Variants in PKP2 observed in about 807,000 individuals in gnomAD.
PKP2 encodes plakophilin 2.
PKP2 carries 73 observed loss-of-function variants against 83.4 expected under a neutral mutation model. The ratio of observed to expected loss-of-function variants is 0.88; its 90% CI spans 0.72 to 1.06. PKP2 has a LOEUF of 1.06. Among genes scored for constraint, PKP2 ranks in the 50% least tolerant of loss-of-function variants. The pLI is 0.00. For missense variants in PKP2, 966 were observed against 1,065.4 expected (o/e 0.91, Z 1.30); for synonymous variants, 409 against 430.4 (o/e 0.95, Z 0.62).
intron 9 of PKP2, among the ~76,000 whole-genome samples, chr12:32,819,775 T>C (rs1257012303): frequency 6.6e-6 from 1 of 151,914 alleles, no homozygotes; most frequent in Non-Finnish European, 1.5e-5. Flanking sequence ...CTGGATTCTG[T>C]GGGAGGCTCT....
chr12:32,852,076 A>G (rs1402595755), intron 4 of PKP2, among the ~76,000 whole-genome samples: 1 of 152,230 alleles, frequency 6.6e-6, no homozygotes, highest in East Asian at 1.9e-4. Context: ...ATTAGGTTGT[A>G]GACTGAAGGC....
chr12:32,811,635 C>T (rs1956278095), intron 9 of PKP2, among the ~76,000 whole-genome samples: 1 of 152,226 alleles, frequency 6.6e-6, no homozygotes, highest in Admixed American at 6.5e-5. Context: ...GACAGATCCG[C>T]ACTTTCAATA....
At chr12:32,802,676 T>C in intron 9 of PKP2, 120 bp from the exon 10 acceptor site, 1 of 903,876 alleles carries the variant, frequency 1.1e-6, no homozygotes. Flanking sequence ...TTATTTATTT[T>C]GAGACAAAGT....
chr12:32,870,350 C>T (rs1956885143), intron 3 of PKP2, among the ~76,000 whole-genome samples: 2 of 152,022 alleles, frequency 1.3e-5, no homozygotes, highest in South Asian at 2.1e-4. Flanking sequence ...CGCCTCATGA[C>T]CAAAAACTAA....
intron 9 of PKP2, among the ~76,000 whole-genome samples, chr12:32,813,203 CA>C (rs1359107283): frequency 3.3e-5 from 5 of 152,026 alleles, no homozygotes; most frequent in Non-Finnish European, 7.4e-5. Context: ...CTAAGCAAAA[CA>C]AAACCCCCAA....
intron 9 of PKP2, among the ~76,000 whole-genome samples, chr12:32,805,578 T>C (rs1956219447): frequency 6.6e-6 from 1 of 152,212 alleles, no homozygotes; most frequent in African/African-American, 2.4e-5. Flanking sequence ...CCCCATTGCT[T>C]GCTTTTGTCA....
rs148364390 is a variant in PKP2, at chr12:32,850,914, G to A, written c.1230C>T (p.Asp410=). ...LLQLLKVQNE[D]VQRAVCGALR... is the part of the protein sequence containing the mutation. ...AGGCCCCACACACAGCTCGCTGAACGTCTTCATTCTGAACTTTTAGGAGCT... is the reference window on the plus strand; with the variant it reads ...AGGCCCCACACACAGCTCGCTGAACATCTTCATTCTGAACTTTTAGGAGCT... The change falls in exon 5 of 13, where the codon GAC becomes GAT. Residue 410 remains aspartate (D), a synonymous_variant. Transcript: ENST00000340811. 104 of 1,613,970 alleles carry A rather than the reference G, an allele frequency of 6.4e-5. No individual in the cohort carries two copies. Among genetic ancestry groups the A allele is most frequent in the African/African-American group, 4.0e-5 (3 of 74,920 alleles).
At position 32,887,397 on chromosome 12, in the gene PKP2, G is replaced by C. The variant is rs1957039114; in HGVS notation, c.224-8365C>G. Among the ~76,000 whole-genome samples, 3 of 152,126 alleles carry C rather than the reference G, an allele frequency of 2.0e-5. No homozygotes were observed. In the South Asian group the frequency reaches 6.2e-4, roughly 31 times the overall value. On this transcript the variant is annotated intron_variant, in intron 1 of 12. Transcript: ENST00000340811. ...TGATATACCAATTTATGACATTTGGGGGGCAATCCTCAAATCACTGCTCTA... is the reference window on the plus strand; with the variant it reads ...TGATATACCAATTTATGACATTTGGCGGGCAATCCTCAAATCACTGCTCTA...
rs753164020 is a variant in PKP2 at position 32,896,584 on chromosome 12, T to C, written c.148A>G (p.Thr50Ala). Residue 50 changes from threonine to alanine, a missense_variant, in exon 1 of 13, where the codon ACA becomes GCA. Coordinates refer to ENST00000340811, the MANE Select transcript of PKP2 (RefSeq NM_001005242.3). ...LAGSSGRGGQ[T>A]VKSLRIQEQV... ...TCCTGGATCCGCAGGCTCTTGACTG[T>C]CTGGCCGCCGCGGCCGCTGCTCCCC... 1 of 1,588,598 alleles carries C rather than the reference T, an allele frequency of 6.3e-7. No individual in the cohort carries two copies. Among genetic ancestry groups the C allele is most frequent in the Non-Finnish European group, 8.5e-7 (1 of 1,176,254 alleles).
At chr12:32,884,232 TCG>T (rs1276315736) in intron 1 of PKP2, among the ~76,000 whole-genome samples, 1 of 152,192 alleles carries the variant, frequency 6.6e-6, no homozygotes, top group Non-Finnish European at 1.5e-5. Flanking sequence ...AGTGGGCAGA[TCG>T]CCTGAGGTCA....
chr12:32,808,543 G>A (rs545477853), intron 9 of PKP2, among the ~76,000 whole-genome samples: 1 of 152,290 alleles, frequency 6.6e-6, no homozygotes, highest in East Asian at 1.9e-4. Flanking sequence ...AGCCATCTCA[G>A]CCTCATCGCA....
Position 32,869,040 on chromosome 12 carries a change from G to C in PKP2, c.1057C>G (p.Leu353Val), listed in dbSNP as rs1453786463. ...QLGNADMEMT[L>V]ERAVSMLEAD... is the part of the protein sequence containing the mutation. ...TCGAGCATACTCACTGCTCGCTCCA[G>C]AGTCATCTCCATGTCTGCATTCCTA... is the stretch of plus-strand genomic sequence containing the variant. Residue 353 changes from leucine (L) to valine (V), a missense_variant, in exon 4 of 13, where the codon CTG becomes GTG. Coordinates refer to ENST00000340811, the MANE Select transcript of PKP2 (RefSeq NM_001005242.3). 2 of 1,613,898 alleles carry C rather than the reference G, an allele frequency of 1.2e-6. No homozygotes were observed. Among genetic ancestry groups the C allele is most frequent in the African/African-American group, 1.3e-5 (1 of 74,938 alleles).
Position 32,792,711 on chromosome 12 carries a change from C to G in PKP2, c.2378G>C (p.Ser793Thr). The G allele has an allele frequency of 6.2e-7, 1 of 1,614,062 alleles. No homozygotes were observed. The highest frequency in any genetic ancestry group is 8.5e-7 in the Non-Finnish European group (1 of 1,179,966). Residue 793 changes from serine (S) to threonine (T), a missense_variant, in exon 12 of 13, where the codon AGT becomes ACT. By Grantham distance (58) the Ser-to-Thr change is moderately conservative. Transcript: ENST00000340811. Reference protein sequence around the residue: ...AGDAYASNKASKAASVLLYSL... With the variant: ...AGDAYASNKATKAASVLLYSL... ...ATACAGAAGGACGGAAGCAGCTTTA[C>G]TTGCTTTGTTGGAGGCATAGCTGAA...
intron 11 of PKP2, among the ~76,000 whole-genome samples, chr12:32,794,526 C>T (rs1229225780): frequency 6.6e-6 from 1 of 152,184 alleles, no homozygotes; most frequent in Non-Finnish European, 1.5e-5. Context: ...CGGAAATAAA[C>T]AAGTAACAGA....
At chr12:32,876,233 C>T (rs1592762415) in intron 3 of PKP2, among the ~76,000 whole-genome samples, 2 of 152,164 alleles carry the variant, frequency 1.3e-5, no homozygotes, top group East Asian at 3.9e-4. Context: ...GCCATCATTG[C>T]TACATTTGTC....
Position 32,850,200 on chromosome 12 carries a change from G to A in PKP2, c.1378+566C>T, listed in dbSNP as rs117085151. Among the ~76,000 whole-genome samples, 10 of 152,296 alleles carry A rather than the reference G, an allele frequency of 6.6e-5. No homozygotes were observed. The East Asian group carries it at 1.7e-3, about 26-fold the overall frequency. On this transcript the variant is annotated intron_variant, in intron 5 of 12. Transcript: ENST00000340811. ...AGACATTTAGTCAAAGGTGCATAGAGTTTCTAATTAAGAATATTAAGCAAA... is the reference window on the plus strand; with the variant it reads ...AGACATTTAGTCAAAGGTGCATAGAATTTCTAATTAAGAATATTAAGCAAA...
At chr12:32,847,069 T>G (rs1360542782) in intron 5 of PKP2, among the ~76,000 whole-genome samples, 1 of 151,842 alleles carries the variant, frequency 6.6e-6, no homozygotes, top group East Asian at 1.9e-4. Context: ...CAGAAAGCCT[T>G]AGCTTAGTGA....
chr12:32,864,341 C>T (rs1956828232), intron 4 of PKP2, among the ~76,000 whole-genome samples: 1 of 146,504 alleles, frequency 6.8e-6, no homozygotes. Flanking sequence ...CACACACATA[C>T]ACACGTAAAT....
intron 6 of PKP2, among the ~76,000 whole-genome samples, chr12:32,833,213 A>T (rs1956516118): frequency 6.6e-6 from 1 of 152,248 alleles, no homozygotes; most frequent in African/African-American, 2.4e-5. Flanking sequence ...ACTGCACTCC[A>T]GCCAGGGTGA....
Sources: allele counts gnomAD v4.1 joint callset (sites outside exome capture counted in the v4.1 genomes callset), GRCh38; gene constraint gnomAD v4.1.1; transcripts MANE v1.5; gene names NCBI Gene and HGNC (gene_info 2026-07-23, HGNC 2026-07-21).